The following TRAPPC9 variants were observed in gnomAD, a reference collection of about 807,000 sequenced individuals.
TRAPPC9 encodes trafficking protein particle complex subunit 9, also known as IKK2 binding protein.
Under a neutral mutation model 124.0 loss-of-function variants are expected in TRAPPC9, and 83 were observed. The ratio of observed to expected loss-of-function variants is 0.67; its 90% CI spans 0.56 to 0.80. The LOEUF is 0.80. TRAPPC9 is among the 30% of genes least tolerant of loss of function. The pLI is 0.00. For missense variants in TRAPPC9, 1,302 were observed against 1,508.3 expected, an observed-to-expected ratio of 0.86 and a Z score of 2.27; for synonymous variants, 638 against 617.5, an observed-to-expected ratio of 1.03 and a Z score of -0.49.
intron 17 of TRAPPC9, among the ~76,000 whole-genome samples, chr8:140,066,695 C>T (rs1333834495): frequency 3.3e-5 from 5 of 152,178 alleles, no homozygotes; most frequent in South Asian, 4.1e-4. Context: ...AACACCTACT[C>T]GGTGCAAAGC....
At position 139,776,190 on chromosome 8, in the gene TRAPPC9, C is replaced by T. The variant is rs1251124730; in HGVS notation, c.3056-43988G>A. Among the ~76,000 whole-genome samples, 4 of 152,164 alleles carry T rather than the reference C, an allele frequency of 2.6e-5. No individual in the cohort carries two copies. The highest frequency in any genetic ancestry group is 2.4e-5 in the African/African-American group (1 of 41,434). ...ACCCAGCCTCAGTCTCTGGGCTCCC[C>T]GACAGGGTTCCTTCCATCCTGCAGG... On this transcript the variant is annotated intron_variant, in intron 21 of 22. Transcript: ENST00000438773. This position sits in a 1 kb window ranked among gnomAD's most constrained non-coding sequence, Gnocchi z 4.1.
intron 6 of TRAPPC9, among the ~76,000 whole-genome samples, chr8:140,398,501 A>G (rs1322837043): frequency 6.6e-6 from 1 of 152,184 alleles, no homozygotes; most frequent in African/African-American, 2.4e-5. Flanking sequence ...TCGGATGGAG[A>G]TCTCAGTTCT....
intron 21 of TRAPPC9, among the ~76,000 whole-genome samples, chr8:139,833,700 C>G (rs559770372): frequency 1.5e-3 from 233 of 152,340 alleles, no homozygotes; most frequent in African/African-American, 5.4e-3. Context: ...GAAGCAGCTG[C>G]GGCCACCAAA....
At chr8:139,853,805 G>C (rs567409594) in intron 21 of TRAPPC9, among the ~76,000 whole-genome samples, 58 of 152,308 alleles carry the variant, frequency 3.8e-4, no homozygotes, top group Middle Eastern at 3.4e-3. Context: ...CAATGGACAA[G>C]GGCCTGAGAG....
intron 3 of TRAPPC9, among the ~76,000 whole-genome samples, chr8:140,437,303 G>A (rs2070849585): frequency 6.6e-6 from 1 of 152,082 alleles, no homozygotes; most frequent in South Asian, 2.1e-4. Context: ...TTACAGGCAT[G>A]AGCCACCATG....
At chr8:140,243,478 C>T (rs1328253518) in intron 16 of TRAPPC9, among the ~76,000 whole-genome samples, 4 of 152,218 alleles carry the variant, frequency 2.6e-5, no homozygotes, top group African/African-American at 7.2e-5. Context: ...AAACTAGGCA[C>T]ACACTTGCCC....
At position 139,961,275 on chromosome 8, in the gene TRAPPC9, A is replaced by T. The variant is rs1011821720; in HGVS notation, c.2810+27451T>A. Among the ~76,000 whole-genome samples, 4 of 124,652 alleles carry T rather than the reference A, an allele frequency of 3.2e-5. 2 individuals are homozygous for T. The highest frequency in any genetic ancestry group is 3.8e-5 in the Non-Finnish European group (2 of 52,098). 81.8% of individuals were successfully genotyped at this position (124,652 alleles called of 152,430 possible). A position where few individuals can be genotyped will look rare whatever the true frequency, so the allele number is the denominator to read the frequency against. On this transcript the variant is annotated intron_variant, in intron 19 of 22. Transcript: ENST00000438773. Reference sequence around the variant, plus strand: ...GGCCTTCTTTCTATATGATGGCAGTAGCTGCTGCCATCATGCCGGCTGTGG... The same window carrying T: ...GGCCTTCTTTCTATATGATGGCAGTTGCTGCTGCCATCATGCCGGCTGTGG...
At chr8:139,917,719 C>T (rs1262671966) in intron 19 of TRAPPC9, among the ~76,000 whole-genome samples, 1 of 152,210 alleles carries the variant, frequency 6.6e-6, no homozygotes, top group Admixed American at 6.5e-5. Context: ...AGGTCGCTTG[C>T]CCAAGGCCAC....
intron 15 of TRAPPC9, among the ~76,000 whole-genome samples, chr8:140,255,511 T>C (rs1054116935): frequency 4.6e-5 from 7 of 152,234 alleles, no homozygotes; most frequent in Admixed American, 2.0e-4. Context: ...AAAAGGATGA[T>C]GGAATCGTTG....
chr8:140,230,397 T>A lies in TRAPPC9; in HGVS notation c.2432-8814A>T, dbSNP rs1283664009. On this transcript the variant is annotated intron_variant, in intron 16 of 22. Transcript: ENST00000438773. ...GCCAAGGCAGGTGGATCGCCTGAGGTCAGGAGTTCAAGACCAGCCTGACCA... is the reference window on the plus strand; with the variant it reads ...GCCAAGGCAGGTGGATCGCCTGAGGACAGGAGTTCAAGACCAGCCTGACCA... 5.3e-5 allele frequency among the ~76,000 whole-genome samples: 8 copies of A among 151,774 alleles called. No homozygotes were observed. In the South Asian group the frequency reaches 1.7e-3, roughly 32 times the overall value.
intron 21 of TRAPPC9, among the ~76,000 whole-genome samples, chr8:139,842,420 TTTCTAAGGGAAAAAACAAACCC>T (rs1183222015): frequency 6.6e-6 from 1 of 151,852 alleles, no homozygotes; most frequent in Non-Finnish European, 1.5e-5. Context: ...ACAGCAAGAG[TTTCTAAGGGAAAAAACAAACCC>T]TACTTCTAAC....
intron 14 of TRAPPC9, among the ~76,000 whole-genome samples, chr8:140,283,663 C>T (rs1588090731): frequency 6.6e-6 from 1 of 151,948 alleles, no homozygotes; most frequent in East Asian, 1.9e-4. Flanking sequence ...ATTATGATTC[C>T]ATAGGCTAAT....
chr8:139,759,082 T>G (rs1820049228), intron 21 of TRAPPC9, among the ~76,000 whole-genome samples: 1 of 152,148 alleles, frequency 6.6e-6, no homozygotes, highest in Non-Finnish European at 1.5e-5. Flanking sequence ...GTGGGCCGGG[T>G]GCTGCTTCAG....
At chr8:140,033,677 T>TGTTTTTG (rs1473241600) in intron 17 of TRAPPC9, among the ~76,000 whole-genome samples, 8 of 100,240 alleles carry the variant, frequency 8.0e-5, no homozygotes, top group Admixed American at 1.9e-4. Flanking sequence ...TTTTTTTTTT[T>TGTTTTTG]TTTTTTTTTT....
chr8:140,246,873 T>G (rs2064000685), intron 16 of TRAPPC9, among the ~76,000 whole-genome samples: 1 of 152,114 alleles, frequency 6.6e-6, no homozygotes, highest in Non-Finnish European at 1.5e-5. Context: ...TAGTCCCAGC[T>G]ACTTGGGAGG....
At chr8:139,866,575 T>C (rs1484279061) in intron 21 of TRAPPC9, among the ~76,000 whole-genome samples, 1 of 152,034 alleles carries the variant, frequency 6.6e-6, no homozygotes, top group African/African-American at 2.4e-5. Context: ...ATTGGTTACA[T>C]ACAGGAAGAC....
At chr8:139,915,288 C>CCGGAGTA (rs1832049167) in intron 19 of TRAPPC9, among the ~76,000 whole-genome samples, 1 of 152,106 alleles carries the variant, frequency 6.6e-6, no homozygotes, top group Admixed American at 6.5e-5. Context: ...GCTCTGTTGG[C>CCGGAGTA]CAGGCTGGAG....
intron 9 of TRAPPC9, among the ~76,000 whole-genome samples, chr8:140,331,108 G>A (rs2066883068): frequency 6.6e-6 from 1 of 151,382 alleles, no homozygotes; most frequent in South Asian, 2.1e-4. Flanking sequence ...CATGGTACTG[G>A]CATAAAAACA....
chr8:139,869,698 T>C (rs1828773030), intron 21 of TRAPPC9, among the ~76,000 whole-genome samples: 1 of 152,256 alleles, frequency 6.6e-6, no homozygotes, highest in South Asian at 2.1e-4. Flanking sequence ...TGGTAAATTG[T>C]AAGTGGTAAA....
Sources: gnomAD v4.1 joint callset for allele counts (sites outside exome capture counted in the v4.1 genomes callset) on GRCh38, gnomAD v4.1.1 for gene constraint, Gnocchi (gnomAD v3.1) non-coding constraint, MANE v1.5 for transcripts, NCBI Gene and HGNC (gene_info 2026-07-23, HGNC 2026-07-21) for gene names.